AFF3: variants seen among roughly 807,000 people sequenced by gnomAD.
AFF3 encodes AF4/FMR2 family member 3.
Under a neutral mutation model 129.7 loss-of-function variants are expected in AFF3, and 32 were observed. The observed-to-expected ratio is 0.25, with a 90% CI of 0.19 to 0.33. The LOEUF is 0.33. AFF3 is among the 10% of genes least tolerant of loss of function. AFF3 has a pLI of 1.00. For synonymous variants in AFF3, 644 were observed against 635.4 expected, an observed-to-expected ratio of 1.01 and a Z score of -0.20; for missense variants, 1,373 against 1,592.0, an observed-to-expected ratio of 0.86 and a Z score of 2.34.
chr2:100,006,551 A>C, intron 7 of AFF3, 81 bp downstream of exon 7: 1 of 1,470,410 alleles, frequency 6.8e-7, no homozygotes, highest in South Asian at 1.5e-5. Flanking sequence ...AAAAAAAGAA[A>C]CATGGAAACT....
intron 4 of AFF3, among the ~76,000 whole-genome samples, chr2:100,028,342 T>C (rs927002426): frequency 6.6e-6 from 1 of 152,148 alleles, no homozygotes; most frequent in African/African-American, 2.4e-5. Context: ...CAGATTTATG[T>C]GTATGAATTT....
At chr2:99,783,454 C>T (rs1684551595) in intron 8 of AFF3, among the ~76,000 whole-genome samples, 1 of 152,208 alleles carries the variant, frequency 6.6e-6, no homozygotes, top group African/African-American at 2.4e-5. Context: ...TGTGAGGGAA[C>T]TCATCCATCT....
intron 12 of AFF3, among the ~76,000 whole-genome samples, chr2:99,660,960 C>T (rs191760649): frequency 3.3e-5 from 5 of 152,276 alleles, no homozygotes; most frequent in Middle Eastern, 3.4e-3. Flanking sequence ...CAGCCCTACT[C>T]GGAGAAGCTT....
At chr2:99,858,680 A>G (rs1690720852) in intron 7 of AFF3, among the ~76,000 whole-genome samples, 1 of 152,212 alleles carries the variant, frequency 6.6e-6, no homozygotes, top group Non-Finnish European at 1.5e-5. Context: ...GTTCTCACTT[A>G]TAAGTGGGAG....
chr2:99,981,274 T>A (rs1679376005), intron 7 of AFF3, among the ~76,000 whole-genome samples: 1 of 152,146 alleles, frequency 6.6e-6, no homozygotes, highest in Admixed American at 6.5e-5. Context: ...CACCTCAGCC[T>A]CCCAAAGTGC....
At chr2:99,856,986 G>A (rs1690577505) in intron 7 of AFF3, among the ~76,000 whole-genome samples, 1 of 152,004 alleles carries the variant, frequency 6.6e-6, no homozygotes, top group Non-Finnish European at 1.5e-5. Flanking sequence ...AATGAGTTCT[G>A]CTTTTATAGA....
chr2:100,114,966 A>AT (rs1559133534), intron 2 of AFF3, among the ~76,000 whole-genome samples: 1 of 152,106 alleles, frequency 6.6e-6, no homozygotes, highest in African/African-American at 2.4e-5. Flanking sequence ...ATGTATTTCA[A>AT]TTTTTTTCTC....
At chr2:99,882,461 G>C (rs1175268052) in intron 7 of AFF3, among the ~76,000 whole-genome samples, 2 of 152,196 alleles carry the variant, frequency 1.3e-5, no homozygotes, top group Non-Finnish European at 2.9e-5. Context: ...TCCTGCAGTG[G>C]CTACAGACCG....
At chr2:99,825,379 G>T in intron 8 of AFF3, among the ~76,000 whole-genome samples, 1 of 152,066 alleles carries the variant, frequency 6.6e-6, no homozygotes, top group South Asian at 2.1e-4. Flanking sequence ...ATAGTAATTT[G>T]CAGCAAATCA....
chr2:99,735,300 A>G (rs1680160100), intron 10 of AFF3, among the ~76,000 whole-genome samples: 2 of 151,380 alleles, frequency 1.3e-5, no homozygotes, highest in Non-Finnish European at 2.9e-5. Context: ...AAGTTTGTCA[A>G]CTGTATTATA....
At chr2:99,722,999 C>G (rs565277523) in intron 11 of AFF3, among the ~76,000 whole-genome samples, 1 of 152,336 alleles carries the variant, frequency 6.6e-6, no homozygotes, top group African/African-American at 2.4e-5. Flanking sequence ...TTCCTACATT[C>G]TCTGCCTTCT....
intron 4 of AFF3, among the ~76,000 whole-genome samples, chr2:100,022,853 C>T (rs996028039): frequency 6.8e-5 from 10 of 147,434 alleles, no homozygotes; most frequent in African/African-American, 2.4e-4. Context: ...TCTTCTTCCT[C>T]GAAACACTGC....
intron 2 of AFF3, among the ~76,000 whole-genome samples, chr2:100,114,679 GCCAGC>G (rs1254425960): frequency 6.6e-6 from 1 of 152,224 alleles, no homozygotes; most frequent in Non-Finnish European, 1.5e-5. Context: ...ACCACGCCTG[GCCAGC>G]CCTGCATTTT....
At chr2:100,041,763 AATT>A (rs1055748288) in intron 4 of AFF3, among the ~76,000 whole-genome samples, 4 of 152,212 alleles carry the variant, frequency 2.6e-5, no homozygotes, top group African/African-American at 9.7e-5. Flanking sequence ...AGGGAGATAT[AATT>A]CATTGACTCA....
Position 99,778,379 on chromosome 2 carries a change from C to T in AFF3, c.922-26078G>A, listed in dbSNP as rs111339924. On this transcript the variant is annotated intron_variant, in intron 8 of 24. Coordinates refer to ENST00000672756, the MANE Select transcript of AFF3 (RefSeq NM_001386135.1). ...TACAAGGAAGGGATGACACAAGGTG[C>T]CTCAGACAGGCAGAAACAGAGGGGA... Among the ~76,000 whole-genome samples, 777 of 152,276 alleles carry T rather than the reference C, an allele frequency of 5.1e-3. 2 individuals are homozygous for T. The highest frequency in any genetic ancestry group is 0.018 in the African/African-American group (749 of 41,550).
chr2:100,073,094 T>C (rs1688324453), intron 4 of AFF3, among the ~76,000 whole-genome samples: 1 of 152,208 alleles, frequency 6.6e-6, no homozygotes, highest in South Asian at 2.1e-4. Context: ...TAGTCTAACA[T>C]GCTGTTACAG....
intron 4 of AFF3, among the ~76,000 whole-genome samples, chr2:100,058,779 G>C (rs1370356): frequency 0.31 from 47,561 of 151,916 alleles, 7,817 homozygotes; most frequent in Middle Eastern, 0.46. Context: ...GATATGACAC[G>C]AAAAGTACAA....
intron 7 of AFF3, among the ~76,000 whole-genome samples, chr2:99,932,679 C>A (rs546762630): frequency 6.6e-6 from 1 of 152,168 alleles, no homozygotes; most frequent in African/African-American, 2.4e-5. Context: ...CTGTAGAAAC[C>A]CGGAGTGTAG....
chr2:99,711,549 G>C (rs976141832), intron 11 of AFF3, among the ~76,000 whole-genome samples: 3 of 152,126 alleles, frequency 2.0e-5, no homozygotes, highest in African/African-American at 7.2e-5. Flanking sequence ...AGGTGGGCGG[G>C]CTTCAGTGTG....
Sources: gnomAD v4.1 joint callset for allele counts (sites outside exome capture counted in the v4.1 genomes callset) on GRCh38, gnomAD v4.1.1 for gene constraint, MANE v1.5 for transcripts, NCBI Gene and HGNC (gene_info 2026-07-23, HGNC 2026-07-21) for gene names.